Variants in MTA3 observed in about 807,000 individuals in gnomAD.
MTA3 encodes metastasis associated 1 family member 3.
MTA3 carries 34 observed loss-of-function variants against 83.5 expected under a neutral mutation model. That is an observed-to-expected ratio of 0.41 (90% CI 0.31 to 0.54). MTA3 has a LOEUF of 0.54. MTA3 is among the 20% of genes least tolerant of loss of function. The pLI is 0.33. For synonymous variants in MTA3, 303 were observed against 252.7 expected, an observed-to-expected ratio of 1.20 and a Z score of -1.89; for missense variants, 761 against 726.4, an observed-to-expected ratio of 1.05 and a Z score of -0.55.
At chr2:42,645,744 G>A (rs1026831677) in intron 6 of MTA3, among the ~76,000 whole-genome samples, 3 of 152,152 alleles carry the variant, frequency 2.0e-5, no homozygotes, top group Admixed American at 1.3e-4. Flanking sequence ...AGCCAGCAGA[G>A]GTTGGGTCAT....
chr2:42,683,344 G>A (rs1054818864), intron 9 of MTA3, among the ~76,000 whole-genome samples: 1 of 152,192 alleles, frequency 6.6e-6, no homozygotes, highest in African/African-American at 2.4e-5. Flanking sequence ...GCTAAGCACA[G>A]TAGGAGAATT....
chr2:42,675,346 G>T (rs967408856), intron 8 of MTA3, among the ~76,000 whole-genome samples: 10 of 152,074 alleles, frequency 6.6e-5, no homozygotes, highest in Non-Finnish European at 1.3e-4. Context: ...CTGTTGGCCA[G>T]GCTGGTCTTA....
intron 8 of MTA3, among the ~76,000 whole-genome samples, chr2:42,679,595 A>G (rs1691684004): frequency 6.6e-6 from 1 of 152,248 alleles, no homozygotes; most frequent in Non-Finnish European, 1.5e-5. Flanking sequence ...TATATAAACA[A>G]GAACAGAAGA....
chr2:42,697,615 GA>G, intron 10 of MTA3, among the ~76,000 whole-genome samples, 160 bp from the exon 11 acceptor site: 1 of 152,062 alleles, frequency 6.6e-6, no homozygotes. Flanking sequence ...ACTTTTCTTA[GA>G]CATTATTGCA....
chr2:42,552,637 A>AAG (rs1383255310), intron 2 of MTA3, among the ~76,000 whole-genome samples: 2 of 151,596 alleles, frequency 1.3e-5, no homozygotes, highest in Admixed American at 6.6e-5. Flanking sequence ...AAAAAAAAAA[A>AAG]AAGAAGAAGA....
intron 3 of MTA3, among the ~76,000 whole-genome samples, chr2:42,608,032 A>T (rs1683709283): frequency 6.6e-6 from 1 of 152,240 alleles, no homozygotes; most frequent in Non-Finnish European, 1.5e-5. Flanking sequence ...AGTGATCTGC[A>T]TCATGAGAGA....
At chr2:42,607,292 T>C (rs1683593631) in intron 3 of MTA3, among the ~76,000 whole-genome samples, 1 of 152,154 alleles carries the variant, frequency 6.6e-6, no homozygotes, top group Non-Finnish European at 1.5e-5. Context: ...CGTATGTGGG[T>C]GCTGCTTTGT....
At chr2:42,634,773 G>A (rs1159648914) in intron 4 of MTA3, among the ~76,000 whole-genome samples, 1 of 151,852 alleles carries the variant, frequency 6.6e-6, no homozygotes, top group Non-Finnish European at 1.5e-5. Flanking sequence ...TCTCGATGGT[G>A]GCTTCTGGCA....
intron 2 of MTA3, among the ~76,000 whole-genome samples, chr2:42,544,321 C>A (rs11681509): frequency 0.14 from 21,019 of 151,818 alleles, 1,687 homozygotes; most frequent in Middle Eastern, 0.21. Context: ...TGGCACGTGC[C>A]TATAGTCCCA....
At chr2:42,614,729 C>G (rs1573289871) in intron 4 of MTA3, among the ~76,000 whole-genome samples, 2 of 152,054 alleles carry the variant, frequency 1.3e-5, no homozygotes, top group East Asian at 1.9e-4. Context: ...AATCCTAGGA[C>G]TTTGAGAGGC....
At chr2:42,750,135 T>C (rs1346651788) in intron 16 of MTA3, among the ~76,000 whole-genome samples, 2 of 151,896 alleles carry the variant, frequency 1.3e-5, no homozygotes, top group African/African-American at 2.4e-5. Context: ...GGGATACAGG[T>C]GCGCCCCATA....
chr2:42,733,047 C>A (rs1668345804), intron 16 of MTA3, among the ~76,000 whole-genome samples: 1 of 152,208 alleles, frequency 6.6e-6, no homozygotes, highest in African/African-American at 2.4e-5. Flanking sequence ...CCAAACTGTT[C>A]CAACCTGTGC....
intron 6 of MTA3, among the ~76,000 whole-genome samples, chr2:42,652,524 G>T (rs979923416): frequency 6.6e-6 from 1 of 152,070 alleles, no homozygotes; most frequent in Non-Finnish European, 1.5e-5. Flanking sequence ...TTTTATTTTA[G>T]AAGTAGAGAG....
chr2:42,555,543 G>A (rs1449929958), intron 2 of MTA3, among the ~76,000 whole-genome samples: 4 of 141,682 alleles, frequency 2.8e-5, no homozygotes, highest in South Asian at 4.6e-4. Flanking sequence ...GGCAGATCAC[G>A]AGGTCAGGAG....
At chr2:42,629,606 A>G (rs889739165) in intron 4 of MTA3, among the ~76,000 whole-genome samples, 3 of 152,026 alleles carry the variant, frequency 2.0e-5, no homozygotes, top group African/African-American at 7.2e-5. Flanking sequence ...TCCTCAGGGA[A>G]TTTGCAGTTG....
intron 4 of MTA3, among the ~76,000 whole-genome samples, chr2:42,623,428 T>G (rs1685765757): frequency 6.6e-6 from 1 of 152,198 alleles, no homozygotes; most frequent in African/African-American, 2.4e-5. Flanking sequence ...GTTCCCTGAA[T>G]AAAGCTTATG....
intron 2 of MTA3, among the ~76,000 whole-genome samples, chr2:42,577,108 ATAT>A (rs1558451090): frequency 4.9e-5 from 2 of 40,790 alleles, no homozygotes; most frequent in African/African-American, 1.4e-4. Context: ...AAAAAAAAAT[ATAT>A]ATATATATAT....
chr2:42,724,050 C>G (rs1396823428), intron 16 of MTA3, among the ~76,000 whole-genome samples: 3 of 152,072 alleles, frequency 2.0e-5, no homozygotes, highest in African/African-American at 7.2e-5. Flanking sequence ...CACTTCCTTT[C>G]TAATGAGAAC....
At chr2:42,609,260 A>G (rs1573247240) in intron 3 of MTA3, among the ~76,000 whole-genome samples, 198 bp from the exon 4 acceptor site, 2 of 151,954 alleles carry the variant, frequency 1.3e-5, no homozygotes, top group East Asian at 1.9e-4. Flanking sequence ...CAAACACCTG[A>G]CCTCAGGTGA....
Sources: allele counts gnomAD v4.1 joint callset (sites outside exome capture counted in the v4.1 genomes callset), GRCh38; gene constraint gnomAD v4.1.1; transcripts MANE v1.5; gene names NCBI Gene and HGNC (gene_info 2026-07-23, HGNC 2026-07-21).